The following CRYZL1 variants were observed in gnomAD, a reference collection of about 807,000 sequenced individuals.
The protein encoded by CRYZL1 is crystallin zeta like 1.
CRYZL1 carries 34 observed loss-of-function variants against 50.6 expected under a neutral mutation model. The ratio of observed to expected loss-of-function variants is 0.67; its 90% CI spans 0.51 to 0.89. The LOEUF (loss-of-function observed/expected upper bound fraction) is 0.89, where lower values mean the gene tolerates loss of function less well. Ranked by LOEUF, CRYZL1 falls within the 40% of genes least tolerant of loss-of-function variation. The probability of loss-of-function intolerance (pLI) is 0.00; values close to 1 mark genes in which losing one functional copy is unlikely to be tolerated. For missense variants in CRYZL1, 354 were observed against 402.3 expected (o/e 0.88, Z 1.03); for synonymous variants, 125 against 134.3 (o/e 0.93, Z 0.48).
intron 2 of CRYZL1, among the ~76,000 whole-genome samples, chr21:33,626,015 G>T (rs138565158): frequency 6.6e-6 from 1 of 151,118 alleles, no homozygotes; most frequent in Non-Finnish European, 1.5e-5. Flanking sequence ...GTGCAGTGGC[G>T]CAATCTCAGC....
At chr21:33,595,006 TA>T in intron 11 of CRYZL1, 1 of 204,076 alleles carries the variant, frequency 4.9e-6, no homozygotes, top group Admixed American at 5.5e-5. Context: ...ACTTTTTTTT[TA>T]TCCAATACAT....
chr21:33,622,883 T>C (rs1417646873), intron 3 of CRYZL1, among the ~76,000 whole-genome samples: 1 of 152,176 alleles, frequency 6.6e-6, no homozygotes, highest in Non-Finnish European at 1.5e-5. Context: ...AGTCTCTTTT[T>C]CAATGTGGAA....
chr21:33,615,774 G>C (rs1053151051), intron 5 of CRYZL1, among the ~76,000 whole-genome samples: 1 of 152,146 alleles, frequency 6.6e-6, no homozygotes, highest in African/African-American at 2.4e-5. Context: ...ATATGGCCCA[G>C]TCAGTCAGCA....
At chr21:33,590,817 G>A (rs1321954373) in intron 12 of CRYZL1, among the ~76,000 whole-genome samples, 1 of 152,208 alleles carries the variant, frequency 6.6e-6, no homozygotes, top group African/African-American at 2.4e-5. Flanking sequence ...CTTTGGGAGG[G>A]GTGATGAGGA....
At chr21:33,590,818 G>T (rs1245951226) in intron 12 of CRYZL1, among the ~76,000 whole-genome samples, 1 of 152,252 alleles carries the variant, frequency 6.6e-6, no homozygotes, top group Non-Finnish European at 1.5e-5. Flanking sequence ...TTTGGGAGGG[G>T]TGATGAGGAA....
intron 1 of CRYZL1, among the ~76,000 whole-genome samples, chr21:33,636,283 T>C (rs1311800221): frequency 5.3e-5 from 8 of 151,816 alleles, no homozygotes; most frequent in Admixed American, 5.3e-4. Flanking sequence ...CACCTGTAGT[T>C]CTATCTAGGC....
At chr21:33,607,897 AC>A (rs1232814228) in intron 6 of CRYZL1, among the ~76,000 whole-genome samples, 2 of 152,130 alleles carry the variant, frequency 1.3e-5, no homozygotes, top group Non-Finnish European at 2.9e-5. Context: ...CCTAAAGGTC[AC>A]ACTGTTAGTC....
At chr21:33,618,288 C>CAA (rs35810127) in intron 4 of CRYZL1, among the ~76,000 whole-genome samples, 1,637 of 90,436 alleles carry the variant, frequency 0.018, 68 homozygotes, top group African/African-American at 0.044. Flanking sequence ...GACTCCGTCT[C>CAA]AAAAAAAAAA....
intron 1 of CRYZL1, chr21:33,640,222 T>C: frequency 6.5e-7 from 1 of 1,546,722 alleles, no homozygotes; most frequent in Non-Finnish European, 8.7e-7. Context: ...TTAGAAATAT[T>C]TCATTGCACA....
intron 8 of CRYZL1, 150 bp from the exon 9 acceptor site, chr21:33,599,398 T>A: frequency 6.5e-6 from 7 of 1,070,472 alleles, no homozygotes; most frequent in African/African-American, 1.6e-5. Flanking sequence ...AGGGAGAAAG[T>A]CAATTTAAAT....
chr21:33,622,104 C>T (rs557547779), intron 3 of CRYZL1, 36 bp from the exon 4 acceptor site: 1 of 1,529,014 alleles, frequency 6.5e-7, no homozygotes, highest in South Asian at 1.1e-5. Flanking sequence ...ATACTATTGT[C>T]AGAAGAAATC....
At chr21:33,605,817 C>T (rs553290746) in intron 6 of CRYZL1, among the ~76,000 whole-genome samples, 12 of 152,018 alleles carry the variant, frequency 7.9e-5, no homozygotes, top group Non-Finnish European at 1.5e-4. Context: ...AGCCACCACG[C>T]CTGGCCAAGA....
At chr21:33,591,232 G>C (rs1461213077) in intron 11 of CRYZL1, 25 bp from the exon 12 acceptor site, 2 of 1,587,380 alleles carry the variant, frequency 1.3e-6, no homozygotes. Flanking sequence ...TGTTAAGGTG[G>C]CAATGTAAAG....
intron 1 of CRYZL1, among the ~76,000 whole-genome samples, chr21:33,633,494 A>C (rs2087165200): frequency 6.6e-6 from 1 of 151,806 alleles, no homozygotes; most frequent in Non-Finnish European, 1.5e-5. Context: ...GGCTCACTGC[A>C]ACCTCCATCT....
intron 3 of CRYZL1, among the ~76,000 whole-genome samples, chr21:33,622,638 G>T (rs1028018764): frequency 7.9e-5 from 12 of 152,124 alleles, no homozygotes; most frequent in African/African-American, 2.7e-4. Context: ...ATTTTTAAGA[G>T]ATTGGTATTT....
At chr21:33,590,860 G>C (rs78228737) in intron 12 of CRYZL1, among the ~76,000 whole-genome samples, 1,712 of 152,352 alleles carry the variant, frequency 0.011, 38 homozygotes, top group African/African-American at 0.04. Flanking sequence ...ACATAATGGA[G>C]TGAGGAAAAC....
intron 1 of CRYZL1, among the ~76,000 whole-genome samples, chr21:33,633,134 A>C (rs1368105953): frequency 2.0e-5 from 3 of 152,222 alleles, no homozygotes; most frequent in Non-Finnish European, 4.4e-5. Flanking sequence ...ATTCCACTAT[A>C]GACAGACACT....
chr21:33,612,710 AGTGT>A (rs147973146), intron 6 of CRYZL1, among the ~76,000 whole-genome samples: 2 of 152,030 alleles, frequency 1.3e-5, no homozygotes, highest in Non-Finnish European at 2.9e-5. Context: ...GGTTTCATGA[AGTGT>A]GTGTGTGTGT....
chr21:33,593,110 C>T (rs2086659792), intron 11 of CRYZL1, among the ~76,000 whole-genome samples: 1 of 150,528 alleles, frequency 6.6e-6, no homozygotes. Context: ...TCATTTAAAA[C>T]ATTTCTTTTT....
Sources: allele counts gnomAD v4.1 joint callset (sites outside exome capture counted in the v4.1 genomes callset), GRCh38; gene constraint gnomAD v4.1.1; transcripts MANE v1.5; gene names NCBI Gene and HGNC (gene_info 2026-07-23, HGNC 2026-07-21).